The following PTPN3 variants were observed in gnomAD, a reference collection of about 807,000 sequenced individuals.
PTPN3 encodes tyrosine-protein phosphatase non-receptor type 3.
Under a neutral mutation model 132.7 loss-of-function variants are expected in PTPN3, and 96 were observed. That is an observed-to-expected ratio of 0.72 (90% CI 0.61 to 0.86). The LOEUF (loss-of-function observed/expected upper bound fraction) is 0.86. Among genes scored for constraint, PTPN3 ranks in the 40% least tolerant of loss-of-function variants. PTPN3 has a pLI of 0.00. For synonymous variants in PTPN3, 398 were observed against 429.0 expected, an observed-to-expected ratio of 0.93 and a Z score of 0.89; for missense variants, 1,125 against 1,159.6, an observed-to-expected ratio of 0.97 and a Z score of 0.43.
the PTPN3 span, among the ~76,000 whole-genome samples, chr9:109,528,413 C>A: frequency 3.9e-5 from 6 of 152,222 alleles, no homozygotes; most frequent in African/African-American, 1.4e-4. Context: ...AAAGGTCAAA[C>A]TACTGCTATG....
At chr9:109,474,705 G>A (rs920017349) in intron 1 of PTPN3, among the ~76,000 whole-genome samples, 9 of 152,284 alleles carry the variant, frequency 5.9e-5, no homozygotes, top group Non-Finnish European at 1.2e-4. Context: ...AAATCTTAGC[G>A]AAATCTCAGG....
rs1251507125 is a variant in PTPN3 at position 109,455,621 on chromosome 9, A to C, written c.290-1047T>G. Among the ~76,000 whole-genome samples, 4 of 152,372 alleles carry C rather than the reference A, an allele frequency of 2.6e-5. No homozygotes were observed. In the East Asian group the frequency reaches 7.7e-4, roughly 29 times the overall value. ...ATGGCGCTATGACAATCTGCACATC[A>C]GGGGAGAACAATGTCCTCCTGCTGC... On this transcript the variant is annotated intron_variant, in intron 4 of 25. Coordinates refer to ENST00000374541, the MANE Select transcript of PTPN3 (RefSeq NM_002829.4).
rs369134310 is a variant in PTPN3 at position 109,472,654 on chromosome 9, ACT to A, written c.-17-9205_-17-9204del. ...CTGGAATTTAATCTTTTTCCTCATA[ACT>A]CTATAATTTCATAAATTGATCAACA... On this transcript the variant is annotated intron_variant, in intron 1 of 25. Transcript: ENST00000374541. Among the ~76,000 whole-genome samples the A allele has an allele frequency of 1.8e-4, 28 of 152,156 alleles. No homozygotes were observed. In the South Asian group the frequency reaches 4.8e-3, roughly 26 times the overall value.
At chr9:109,532,906 C>T in the PTPN3 span, 1 of 1,003,922 alleles carries the variant, frequency 1.0e-6, no homozygotes, top group Non-Finnish European at 1.3e-6. Context: ...CTGCTTTTGT[C>T]TCTTTGCCAC....
At chr9:109,517,030 G>A in the PTPN3 span, among the ~76,000 whole-genome samples, 9 of 152,316 alleles carry the variant, frequency 5.9e-5, no homozygotes, top group South Asian at 1.9e-3. Context: ...TCAGAACTCA[G>A]GAGACATAGG....
chr9:109,450,335 A>G (rs1472808720), intron 5 of PTPN3: 19 of 985,256 alleles, frequency 1.9e-5, no homozygotes, highest in Non-Finnish European at 2.2e-5. Context: ...CTGACATTCA[A>G]CCAGAATTAA....
intron 19 of PTPN3, among the ~76,000 whole-genome samples, chr9:109,402,729 G>A (rs1332216520): frequency 1.6e-3 from 2 of 1,236 alleles, no homozygotes; most frequent in Non-Finnish European, 2.3e-3. Flanking sequence ...GACTTCATTT[G>A]CATAAGTACA....
At chr9:109,519,750 C>G in the PTPN3 span, among the ~76,000 whole-genome samples, 1 of 52,674 alleles carries the variant, frequency 1.9e-5, no homozygotes, top group African/African-American at 9.1e-5. Context: ...GTGCTCCTTG[C>G]CAGGAACTGT....
chr9:109,408,419 G>A (rs200910544), intron 16 of PTPN3, 42 bp from the exon 17 acceptor site: 1 of 1,123,524 alleles, frequency 8.9e-7, no homozygotes, highest in South Asian at 1.6e-5. Flanking sequence ...AGTTTTTTAA[G>A]TTAAACAAAC....
chr9:109,488,397 G>A lies in PTPN3; in HGVS notation c.-18+9822C>T, dbSNP rs557950311. On this transcript the variant is annotated intron_variant, in intron 1 of 25. Coordinates refer to ENST00000374541, the MANE Select transcript of PTPN3 (RefSeq NM_002829.4). ...TTACAGGCATGAGCCACCGCACCAG[G>A]CTGAAAGTACATTTTTAAGCAGTAA... Among the ~76,000 whole-genome samples, 4 of 152,282 alleles carry A rather than the reference G, an allele frequency of 2.6e-5. No homozygotes were observed. In the South Asian group the frequency reaches 8.3e-4, roughly 32 times the overall value.
chr9:109,515,029 G>GT, the PTPN3 span, among the ~76,000 whole-genome samples: 2,082 of 147,276 alleles, frequency 0.014, 26 homozygotes, highest in Non-Finnish European at 0.016. Context: ...GATACAAGAG[G>GT]TTTTTTTTTT....
chr9:109,537,856 T>C, the PTPN3 span, among the ~76,000 whole-genome samples: 1 of 152,250 alleles, frequency 6.6e-6, no homozygotes, highest in African/African-American at 2.4e-5. Flanking sequence ...GCAATGAGAC[T>C]GAGAGATGGT....
intron 1 of PTPN3, among the ~76,000 whole-genome samples, chr9:109,471,684 T>A (rs1244338677): frequency 1.3e-5 from 2 of 151,462 alleles, no homozygotes; most frequent in Non-Finnish European, 2.9e-5. Context: ...TTTTTTTTTT[T>A]AAAGAGACAG....
At chr9:109,476,209 G>C (rs1564476252) in intron 1 of PTPN3, among the ~76,000 whole-genome samples, 1 of 152,118 alleles carries the variant, frequency 6.6e-6, no homozygotes, top group Non-Finnish European at 1.5e-5. Flanking sequence ...AGCCTATTCA[G>C]ATTTCCAGGG....
intron 14 of PTPN3, 71 bp from the exon 15 acceptor site, chr9:109,410,486 T>C: frequency 1.3e-6 from 2 of 1,510,276 alleles, no homozygotes; most frequent in Non-Finnish European, 1.8e-6. Context: ...CTACTGACTG[T>C]AGGGGCCTGG....
In PTPN3 at chr9:109,498,298, G is replaced by A. The variant is rs1847782712; in HGVS notation, c.-97C>T. 6.8e-6 allele frequency: 1 copy of A among 146,326 alleles called. No individual in the cohort carries two copies. Among genetic ancestry groups the A allele is most frequent in the Admixed American group, 6.8e-5 (1 of 14,754 alleles). The allele number at this position is 146,326 out of a possible 1,614,324, so 9.1% of individuals were successfully genotyped here. A position where few individuals can be genotyped will look rare whatever the true frequency, so the allele number is the denominator to read the frequency against. On this transcript the variant is annotated 5_prime_UTR_variant, in exon 1 of 26. Coordinates refer to ENST00000374541, the MANE Select transcript of PTPN3 (RefSeq NM_002829.4). The surrounding 1 kb of genome is among the most constrained non-coding windows in gnomAD (Gnocchi z 4.2). ...GGAAGCTCGCTCGCGGCGCGACCTG[G>A]CCGCCGTCTGAGCATGCCCAGTGCC...
chr9:109,496,179 T>G (rs2132132770), intron 1 of PTPN3, among the ~76,000 whole-genome samples: 1 of 152,338 alleles, frequency 6.6e-6, no homozygotes, highest in South Asian at 2.1e-4. Context: ...TCTATTCTAC[T>G]CTAATTCTCT....
intron 7 of PTPN3, 37 bp downstream of exon 7, chr9:109,445,203 A>G (rs1554796984): frequency 6.3e-7 from 1 of 1,591,804 alleles, no homozygotes; most frequent in Non-Finnish European, 8.6e-7. Context: ...GATCAGAACA[A>G]CCTGTCCATC....
chr9:109,524,444 A>G, the PTPN3 span, among the ~76,000 whole-genome samples: 6 of 152,204 alleles, frequency 3.9e-5, no homozygotes, highest in Non-Finnish European at 4.4e-5. Flanking sequence ...CTCACTACTC[A>G]TGTGAAATGC....
Sources: gnomAD v4.1 joint callset for allele counts (sites outside exome capture counted in the v4.1 genomes callset) on GRCh38, gnomAD v4.1.1 for gene constraint, Gnocchi (gnomAD v3.1) non-coding constraint, MANE v1.5 for transcripts, NCBI Gene and HGNC (gene_info 2026-07-23, HGNC 2026-07-21) for gene names.